The following PDGFRA variants were observed in gnomAD, a reference collection of about 807,000 sequenced individuals.
PDGFRA encodes platelet derived growth factor receptor alpha.
In PDGFRA, 25 loss-of-function variants were observed where a neutral mutation model predicts 121.5. That is an observed-to-expected ratio of 0.21 (90% CI 0.15 to 0.29). The LOEUF is 0.29. Among genes scored for constraint, PDGFRA ranks in the 10% least tolerant of loss-of-function variants. The pLI is 1.00. For synonymous variants in PDGFRA, 463 were observed against 494.8 expected (o/e 0.94, Z 0.85); for missense variants, 1,008 against 1,345.1 (o/e 0.75, Z 3.92).
intron 1 of PDGFRA, among the ~76,000 whole-genome samples, chr4:54,233,608 G>A (rs1053234150): frequency 2.0e-4 from 30 of 152,370 alleles, no homozygotes; most frequent in African/African-American, 7.0e-4. Flanking sequence ...CCTCCGGGCA[G>A]CCAGTGGACT....
intron 22 of PDGFRA, among the ~76,000 whole-genome samples, chr4:54,293,925 G>GTGTC (rs1262298785): frequency 1.3e-5 from 2 of 151,686 alleles, no homozygotes; most frequent in Non-Finnish European, 2.9e-5. Flanking sequence ...GTGTGTGTGT[G>GTGTC]TGTGTGTGTG....
At chr4:54,287,048 G>A (rs769559236) in intron 18 of PDGFRA, among the ~76,000 whole-genome samples, 9 of 152,140 alleles carry the variant, frequency 5.9e-5, no homozygotes, top group South Asian at 2.1e-4. Flanking sequence ...TCATGTGGCC[G>A]TGATAGCTGT....
chr4:54,232,265 C>T (rs531151454), intron 1 of PDGFRA, among the ~76,000 whole-genome samples: 2 of 152,318 alleles, frequency 1.3e-5, no homozygotes, highest in East Asian at 1.9e-4. Context: ...TCGCCTGGGG[C>T]GCAAGATGCA....
intron 1 of PDGFRA, among the ~76,000 whole-genome samples, chr4:54,244,743 G>A (rs1401319084): frequency 1.3e-5 from 2 of 152,218 alleles, no homozygotes; most frequent in East Asian, 1.9e-4. Context: ...GTTGAGAGAA[G>A]AAGGCTTCAG....
chr4:54,275,108 T>A, intron 12 of PDGFRA, 135 bp downstream of exon 12: 1 of 887,964 alleles, frequency 1.1e-6, no homozygotes, highest in Non-Finnish European at 1.8e-6. Context: ...CTTTCAGAAA[T>A]ACATTTCTGT....
At chr4:54,275,567 A>G (rs898235341) in intron 12 of PDGFRA, among the ~76,000 whole-genome samples, 5 of 152,254 alleles carry the variant, frequency 3.3e-5, no homozygotes, top group Non-Finnish European at 7.3e-5. Flanking sequence ...GAATGAAAGC[A>G]AGACAAAGGC....
chr4:54,242,041 A>C (rs1721330222), intron 1 of PDGFRA, among the ~76,000 whole-genome samples: 1 of 152,156 alleles, frequency 6.6e-6, no homozygotes, highest in Non-Finnish European at 1.5e-5. Flanking sequence ...TAGCCTTTGC[A>C]AGTTCAAAAC....
chr4:54,261,925 A>AT (rs1307948556), intron 3 of PDGFRA, among the ~76,000 whole-genome samples: 28 of 72,634 alleles, frequency 3.9e-4, no homozygotes, highest in African/African-American at 1.4e-3. Context: ...ATATATATAT[A>AT]TATATATTTT....
In PDGFRA at chr4:54,236,045, C is replaced by T. The variant is rs570487428; in HGVS notation, c.-13+6630C>T. Among the ~76,000 whole-genome samples the T allele has an allele frequency of 5.9e-5, 9 of 152,204 alleles. No individual in the cohort carries two copies. The South Asian group carries it at 6.2e-4, about 11-fold the overall frequency. ...GTCACCTGCCTGAGAGTCAACAGGG[C>T]GGGGGGTCTCTTTCTCAGTTTGTTC... On this transcript the variant is annotated intron_variant, in intron 1 of 22. Transcript: ENST00000257290.
chr4:54,248,754 A>G (rs574655320), intron 1 of PDGFRA, among the ~76,000 whole-genome samples: 124 of 152,202 alleles, frequency 8.1e-4, no homozygotes, highest in African/African-American at 2.9e-3. Context: ...GCACAGTGAA[A>G]GAAACTACCA....
intron 22 of PDGFRA, among the ~76,000 whole-genome samples, chr4:54,293,907 T>TTG (rs71200381): frequency 0.047 from 6,737 of 142,422 alleles, 330 homozygotes; most frequent in African/African-American, 0.11. Context: ...TCCAAGTTGC[T>TTG]TGTGTGTGTG....
At chr4:54,244,731 G>C (rs1173211911) in intron 1 of PDGFRA, among the ~76,000 whole-genome samples, 5 of 152,214 alleles carry the variant, frequency 3.3e-5, no homozygotes, top group Non-Finnish European at 5.9e-5. Flanking sequence ...TGACTTTGAC[G>C]AGTTGAGAGA....
intron 1 of PDGFRA, among the ~76,000 whole-genome samples, chr4:54,249,234 C>T (rs1721897032): frequency 6.6e-6 from 1 of 152,176 alleles, no homozygotes; most frequent in African/African-American, 2.4e-5. Context: ...GGTGATTCCT[C>T]AGGGATCTAG....
intron 1 of PDGFRA, among the ~76,000 whole-genome samples, chr4:54,256,312 T>C (rs753447073): frequency 1.3e-5 from 2 of 152,120 alleles, no homozygotes; most frequent in Non-Finnish European, 2.9e-5. Flanking sequence ...CTTGGCTCAC[T>C]GCAACTTCTA....
intron 7 of PDGFRA, among the ~76,000 whole-genome samples, chr4:54,269,959 T>G (rs1036648032): frequency 1.3e-5 from 2 of 151,946 alleles, no homozygotes; most frequent in South Asian, 4.2e-4. Context: ...GCCTATAACT[T>G]TTTTTTAATA....
In PDGFRA at chr4:54,263,716, C is replaced by T. The variant is rs752320486; in HGVS notation, c.417C>T (p.Ile139=). 13 of 1,613,660 alleles carry T rather than the reference C, an allele frequency of 8.1e-6. No homozygotes were observed. Among genetic ancestry groups the T allele is most frequent in the East Asian group, 4.5e-5 (2 of 44,884 alleles). ...TAGGAATGACGGATTATTTAGTCAT[C>T]GTGGAGGATGATGATTCTGCCATTA... ...VPLGMTDYLV[I]VEDDDSAIIP... The change falls in exon 4 of 23, where the codon ATC becomes ATT. Residue 139 remains isoleucine (I), a synonymous_variant. Transcript: ENST00000257290.
chr4:54,254,440 T>C (rs1722237715), intron 1 of PDGFRA, among the ~76,000 whole-genome samples: 2 of 152,220 alleles, frequency 1.3e-5, no homozygotes, highest in Admixed American at 6.5e-5. Context: ...TGTCAGTAAA[T>C]AATCTTCCCT....
At chr4:54,267,855 CT>C in intron 7 of PDGFRA, 114 bp downstream of exon 7, 1 of 826,620 alleles carries the variant, frequency 1.2e-6, no homozygotes, top group Non-Finnish European at 2.1e-6. Flanking sequence ...ATGTAACAAT[CT>C]GAGTTAAGAG....
At position 54,295,182 on chromosome 4, in the gene PDGFRA, C is replaced by T. The variant is rs1577755636; in HGVS notation, c.3180C>T (p.Ile1060=). The T allele has an allele frequency of 1.9e-6, 3 of 1,613,754 alleles. No individual in the cohort carries two copies. Among genetic ancestry groups the T allele is most frequent in the African/African-American group, 2.7e-5 (2 of 74,908 alleles). The change falls in exon 23 of 23, where the codon ATC becomes ATT. Residue 1060 remains isoleucine (I), a synonymous_variant. Transcript: ENST00000257290. ...CGGGTTCCAGCAGTTCCACCTTCAT[C>T]AAGAGAGAGGACGAGACCATTGAAG... The part of the protein sequence containing the change: ...IETGSSSSTF[I]KREDETIEDI...
Sources: allele counts gnomAD v4.1 joint callset (sites outside exome capture counted in the v4.1 genomes callset), GRCh38; gene constraint gnomAD v4.1.1; transcripts MANE v1.5; gene names NCBI Gene and HGNC (gene_info 2026-07-23, HGNC 2026-07-21).